The following DMXL2 variants were observed in gnomAD, a reference collection of about 807,000 sequenced individuals.
DMXL2 encodes the protein Dmx like 2.
DMXL2 carries 103 observed loss-of-function variants against 331.1 expected under a neutral mutation model. The observed-to-expected ratio is 0.31, with a 90% CI of 0.27 to 0.37. The LOEUF (loss-of-function observed/expected upper bound fraction) is 0.37, where lower values mean the gene tolerates loss of function less well. Among genes scored for constraint, DMXL2 ranks in the 10% least tolerant of loss-of-function variants. The pLI, the probability that DMXL2 is intolerant of heterozygous loss-of-function variation, is 1.00. For missense variants in DMXL2, 3,171 were observed against 3,642.9 expected (o/e 0.87, Z 3.33); for synonymous variants, 1,281 against 1,252.1 (o/e 1.02, Z -0.49).
chr15:51,499,391 A>T lies in DMXL2; in HGVS notation c.3833T>A (p.Val1278Asp). The change falls in exon 18 of 44, where the codon GTC becomes GAC. Residue 1278 changes from valine to aspartate, a missense_variant. Val to Asp is a radical substitution (Grantham distance 152). This residue lies in a region of DMXL2 where 1,674 missense variants were observed against 1,780.2 expected (regional missense o/e 0.94). Transcript: ENST00000560891. The stretch of plus-strand genomic sequence containing the variant: ...ATCAGCTTCAGTGTCTCCAAATTTG[A>T]CAGCATGCTTCCACTGTGCATATAC... The part of the protein sequence containing the change: ...MHVYAQWKHA[V>D]KFGDTEADSS... 6.2e-7 allele frequency: 1 copy of T among 1,613,920 alleles called. No homozygotes were observed. Among genetic ancestry groups the T allele is most frequent in the South Asian group, 1.1e-5 (1 of 91,088 alleles).
intron 15 of DMXL2, among the ~76,000 whole-genome samples, chr15:51,509,676 A>C (rs1166107616): frequency 6.6e-6 from 1 of 152,236 alleles, no homozygotes; most frequent in Non-Finnish European, 1.5e-5. Flanking sequence ...AATCAATAGA[A>C]AAAGAGGGAC....
chr15:51,602,303 A>G (rs1016777584), intron 1 of DMXL2, among the ~76,000 whole-genome samples: 13 of 152,178 alleles, frequency 8.5e-5, no homozygotes, highest in Admixed American at 7.9e-4. Flanking sequence ...GTTCACAGAA[A>G]GGGAGGAAAA....
At chr15:51,568,776 T>G (rs1291663604) in intron 2 of DMXL2, among the ~76,000 whole-genome samples, 1 of 152,216 alleles carries the variant, frequency 6.6e-6, no homozygotes, top group Admixed American at 6.5e-5. Context: ...ATATACAAGG[T>G]TGACCTATTC....
chr15:51,456,211 AAGC>A lies in DMXL2; in HGVS notation c.8399-21_8399-19del. 1.2e-6 allele frequency: 2 copies of A among 1,604,000 alleles called. No individual in the cohort carries two copies. The highest frequency in any genetic ancestry group is 1.7e-6 in the Non-Finnish European group (2 of 1,176,704). On this transcript the variant is annotated intron_variant, in intron 38 of 43. Transcript: ENST00000560891. The stretch of plus-strand genomic sequence containing the variant: ...TGTAAGATCTGAAACACAAGAGAAA[AAGC>A]AGGAAATAAGAAATTAAAGAGTTCC...
At chr15:51,474,893 A>G (rs1356144331) in intron 27 of DMXL2, among the ~76,000 whole-genome samples, 1 of 152,208 alleles carries the variant, frequency 6.6e-6, no homozygotes, top group Non-Finnish European at 1.5e-5. Context: ...ATCACCAGCT[A>G]GTAACCCCAC....
intron 13 of DMXL2, among the ~76,000 whole-genome samples, chr15:51,528,032 G>T (rs2047778744): frequency 6.6e-6 from 1 of 152,100 alleles, no homozygotes; most frequent in South Asian, 2.1e-4. Flanking sequence ...ATAATGGGTT[G>T]TAAGGTAATA....
intron 13 of DMXL2, among the ~76,000 whole-genome samples, chr15:51,524,600 A>G (rs754509769): frequency 1.3e-5 from 2 of 152,208 alleles, no homozygotes; most frequent in Non-Finnish European, 2.9e-5. Flanking sequence ...GCACTGGGGA[A>G]AGGAAGAGCA....
intron 39 of DMXL2, 88 bp downstream of exon 39, chr15:51,455,978 A>G (rs2039583702): frequency 4.1e-6 from 6 of 1,468,980 alleles, no homozygotes; most frequent in Non-Finnish European, 5.6e-6. Context: ...GGGTCACTGA[A>G]TTCATTTTTC....
At chr15:51,552,236 A>C (rs1324301719) in intron 6 of DMXL2, among the ~76,000 whole-genome samples, 2 of 152,160 alleles carry the variant, frequency 1.3e-5, no homozygotes, top group Non-Finnish European at 2.9e-5. Flanking sequence ...TTTTAGGAGC[A>C]ATAGGAGTCA....
chr15:51,508,787 A>G (rs924427575), intron 15 of DMXL2, among the ~76,000 whole-genome samples: 4 of 152,242 alleles, frequency 2.6e-5, no homozygotes, highest in African/African-American at 7.2e-5. Context: ...TGTTTTTCAA[A>G]GTAATCCAAT....
At chr15:51,479,027 A>C (rs899183449) in intron 25 of DMXL2, among the ~76,000 whole-genome samples, 1 of 152,212 alleles carries the variant, frequency 6.6e-6, no homozygotes, top group Non-Finnish European at 1.5e-5. Context: ...TACCTTATAC[A>C]GATTACTCTT....
At chr15:51,622,281 AG>A (rs1459141434) in intron 1 of DMXL2, among the ~76,000 whole-genome samples, 177 bp downstream of exon 1, 3 of 152,192 alleles carry the variant, frequency 2.0e-5, no homozygotes, top group African/African-American at 7.2e-5. Context: ...CACCAGACGC[AG>A]GACCCACGGT....
chr15:51,545,523 A>T lies in DMXL2; in HGVS notation c.930+60T>A, dbSNP rs989624251. The T allele has an allele frequency of 2.0e-6, 3 of 1,497,002 alleles. No individual in the cohort carries two copies. The Admixed American group carries it at 5.4e-5, about 27-fold the overall frequency. The allele number at this position is 1,497,002 out of a possible 1,614,324, so 92.7% of individuals were successfully genotyped here. A position where few individuals can be genotyped will look rare whatever the true frequency, so the allele number is the denominator to read the frequency against. On this transcript the variant is annotated intron_variant, in intron 8 of 43. Coordinates refer to ENST00000560891, the MANE Select transcript of DMXL2 (RefSeq NM_001378457.1). ...TGTGCCATCTGCATGTTAGTTCATGAATTTCCACCAGGCTCACATTATCTT... is the reference window on the plus strand; with the variant it reads ...TGTGCCATCTGCATGTTAGTTCATGTATTTCCACCAGGCTCACATTATCTT...
intron 41 of DMXL2, among the ~76,000 whole-genome samples, chr15:51,452,516 G>GA (rs2039239874): frequency 6.6e-6 from 1 of 152,014 alleles, no homozygotes; most frequent in Non-Finnish European, 1.5e-5. Context: ...TAATTACCAG[G>GA]AAAATGCAAA....
intron 23 of DMXL2, among the ~76,000 whole-genome samples, chr15:51,483,588 G>A (rs1219360968): frequency 6.6e-6 from 1 of 152,190 alleles, no homozygotes; most frequent in Non-Finnish European, 1.5e-5. Context: ...ACGAGCAGCT[G>A]ATATGCCCCC....
intron 41 of DMXL2, chr15:51,453,202 C>A (rs2039310793): frequency 5.2e-6 from 1 of 193,608 alleles, no homozygotes; most frequent in Non-Finnish European, 1.0e-5. Flanking sequence ...ATCCATGTAA[C>A]CAAACACTAC....
At chr15:51,466,904 A>C (rs1566989189) in intron 29 of DMXL2, among the ~76,000 whole-genome samples, 1 of 151,658 alleles carries the variant, frequency 6.6e-6, no homozygotes, top group Non-Finnish European at 1.5e-5. Context: ...AAAAAATCCC[A>C]TTTTTTTTAG....
In DMXL2 at chr15:51,554,595, T is replaced by C. The variant is rs531413743; in HGVS notation, c.568-7187A>G. On this transcript the variant is annotated intron_variant, in intron 6 of 43. Transcript: ENST00000560891. ...TACATTTCTATCCAGAAATACTGTT[T>C]TATTATTTGTAGATTATTGAACTGG... 1.1e-4 allele frequency among the ~76,000 whole-genome samples: 17 copies of C among 152,308 alleles called. No individual in the cohort carries two copies. The East Asian group carries it at 3.3e-3, about 29-fold the overall frequency.
chr15:51,473,926 T>C (rs988423462), intron 28 of DMXL2, among the ~76,000 whole-genome samples: 4 of 152,202 alleles, frequency 2.6e-5, no homozygotes, highest in African/African-American at 9.6e-5. Context: ...TGAAGCCAAC[T>C]GCTGGTATGC....
Sources: gnomAD v4.1 joint callset for allele counts (sites outside exome capture counted in the v4.1 genomes callset) on GRCh38, gnomAD v4.1.1 for gene constraint, gnomAD v4.1.1 regional missense constraint, MANE v1.5 for transcripts, NCBI Gene and HGNC (gene_info 2026-07-23, HGNC 2026-07-21) for gene names.